The following CHLSN variants were observed in gnomAD, a reference collection of about 807,000 sequenced individuals.
CHLSN encodes protein cholesin.
the CHLSN span, among the ~76,000 whole-genome samples, chr7:1,034,900 G>A: frequency 2.0e-5 from 3 of 152,008 alleles, no homozygotes; most frequent in Non-Finnish European, 2.9e-5. Flanking sequence ...TGTGGTATTT[G>A]GTTTTCTGTT....
At chr7:1,077,009 AG>A in the CHLSN span, among the ~76,000 whole-genome samples, 2 of 152,240 alleles carry the variant, frequency 1.3e-5, no homozygotes, top group Non-Finnish European at 2.9e-5. Flanking sequence ...TTGCGGGCAG[AG>A]GGCCGAGACC....
At chr7:1,032,542 G>A in the CHLSN span, among the ~76,000 whole-genome samples, 1 of 150,826 alleles carries the variant, frequency 6.6e-6, no homozygotes, top group Non-Finnish European at 1.5e-5. Context: ...AGGTGACAGT[G>A]GCCCTCAGAG....
the CHLSN span, among the ~76,000 whole-genome samples, chr7:998,246 G>A: frequency 5.3e-5 from 8 of 152,238 alleles, no homozygotes; most frequent in South Asian, 1.2e-3. Context: ...TGGTGGTGGG[G>A]GCACCTCTGC....
chr7:1,062,234 T>C, the CHLSN span, among the ~76,000 whole-genome samples: 17 of 152,272 alleles, frequency 1.1e-4, no homozygotes, highest in East Asian at 3.3e-3. Flanking sequence ...TAAGAGTTAT[T>C]GTAGGAAGCT....
chr7:988,585 C>A, the CHLSN span: 1 of 1,599,176 alleles, frequency 6.3e-7, no homozygotes, highest in East Asian at 2.2e-5. Flanking sequence ...CCCCTCCCCT[C>A]CAGGAGCAGG....
At chr7:1,072,713 G>A in the CHLSN span, among the ~76,000 whole-genome samples, 2 of 124,514 alleles carry the variant, frequency 1.6e-5, no homozygotes, top group African/African-American at 3.2e-5. Context: ...ATGGAGTCTC[G>A]CTCCATCGTG....
chr7:1,090,724 T>G, the CHLSN span, among the ~76,000 whole-genome samples: 1 of 152,262 alleles, frequency 6.6e-6, no homozygotes, highest in Non-Finnish European at 1.5e-5. Context: ...GGAGGGACTC[T>G]CTCCCTGGAG....
chr7:1,092,971 G>C, the CHLSN span: 1 of 983,306 alleles, frequency 1.0e-6, no homozygotes, highest in Non-Finnish European at 1.6e-6. Context: ...GTGGCTTCTG[G>C]CTCCTCGGGG....
At chr7:1,051,698 G>A in the CHLSN span, among the ~76,000 whole-genome samples, 26 of 152,356 alleles carry the variant, frequency 1.7e-4, no homozygotes, top group African/African-American at 5.3e-4. Flanking sequence ...AACAGGTCAG[G>A]CACAGTGGCT....
the CHLSN span, among the ~76,000 whole-genome samples, chr7:1,059,762 AGTGG>A: frequency 2.9e-3 from 230 of 78,518 alleles, no homozygotes; most frequent in Non-Finnish European, 3.7e-3. Context: ...GGCAGGTCTT[AGTGG>A]GGCGGGTCCG....
chr7:987,623 G>A, the CHLSN span: 3 of 1,250,646 alleles, frequency 2.4e-6, no homozygotes, highest in African/African-American at 3.1e-5. Flanking sequence ...CGTCTGGTGG[G>A]TGCCTGATGG....
At chr7:1,084,654 G>C in the CHLSN span, among the ~76,000 whole-genome samples, 13 of 152,242 alleles carry the variant, frequency 8.5e-5, no homozygotes, top group African/African-American at 3.1e-4. Context: ...ACTCCGCCCA[G>C]CAGAGACAAG....
chr7:1,070,559 C>T, the CHLSN span, among the ~76,000 whole-genome samples: 1 of 147,132 alleles, frequency 6.8e-6, no homozygotes, highest in Non-Finnish European at 1.5e-5. Context: ...CACGCACACA[C>T]GTGCACACAC....
the CHLSN span, among the ~76,000 whole-genome samples, chr7:1,086,007 C>CGT: frequency 6.6e-6 from 1 of 152,210 alleles, no homozygotes; most frequent in South Asian, 2.1e-4. Context: ...GTTACTTACC[C>CGT]GCCCAGTGCC....
the CHLSN span, among the ~76,000 whole-genome samples, chr7:1,089,382 G>A: frequency 1.3e-5 from 2 of 152,138 alleles, no homozygotes; most frequent in African/African-American, 4.8e-5. Flanking sequence ...TTGAGATGGG[G>A]CCTCACTGCA....
At chr7:1,016,168 A>G in the CHLSN span, among the ~76,000 whole-genome samples, 1 of 99,652 alleles carries the variant, frequency 1.0e-5, no homozygotes, top group Non-Finnish European at 1.9e-5. Context: ...AGCACACAGC[A>G]GCACACAGCA....
the CHLSN span, among the ~76,000 whole-genome samples, chr7:1,014,874 C>G: frequency 6.6e-6 from 1 of 152,274 alleles, no homozygotes; most frequent in Non-Finnish European, 1.5e-5. Context: ...GATCCGAGCA[C>G]CAATTCTGTC....
the CHLSN span, among the ~76,000 whole-genome samples, chr7:1,123,310 G>A: frequency 6.6e-6 from 1 of 152,244 alleles, no homozygotes; most frequent in Admixed American, 6.5e-5. This position sits in a 1 kb window ranked among gnomAD's most constrained non-coding sequence, Gnocchi z 4.4. Flanking sequence ...AGCTCAGAGT[G>A]CTCATGCTGT....
At chr7:998,880 T>C in the CHLSN span, among the ~76,000 whole-genome samples, 1 of 152,248 alleles carries the variant, frequency 6.6e-6, no homozygotes. Context: ...TCTAAGAGTT[T>C]TGGTTTTAGC....
Sources: gnomAD v4.1 joint callset for allele counts (sites outside exome capture counted in the v4.1 genomes callset) on GRCh38, gnomAD v4.1.1 for gene constraint, Gnocchi (gnomAD v3.1) non-coding constraint, MANE v1.5 for transcripts, NCBI Gene and HGNC (gene_info 2026-07-23, HGNC 2026-07-21) for gene names.